DIP2C: variants seen among roughly 807,000 people sequenced by gnomAD.
DIP2C encodes the protein disco-interacting protein 2 homolog C.
In DIP2C, 33 loss-of-function variants were observed where a neutral mutation model predicts 192.4. That is an observed-to-expected ratio of 0.17 (90% CI 0.13 to 0.23). The LOEUF is 0.23. DIP2C is among the 10% of genes least tolerant of loss of function. The pLI is 1.00. For missense variants in DIP2C, 1,537 were observed against 2,110.1 expected (o/e 0.73, Z 5.32); for synonymous variants, 979 against 864.1 (o/e 1.13, Z -2.33).
At chr10:601,310 A>G (rs1403834769) in intron 1 of DIP2C, among the ~76,000 whole-genome samples, 1 of 152,112 alleles carries the variant, frequency 6.6e-6, no homozygotes, top group African/African-American at 2.4e-5. Flanking sequence ...TACAACACTC[A>G]AAATTTAAAA....
intron 3 of DIP2C, among the ~76,000 whole-genome samples, chr10:456,689 G>T (rs9419455): frequency 6.6e-6 from 1 of 152,124 alleles, no homozygotes; most frequent in African/African-American, 2.4e-5. Context: ...CACGGCCACC[G>T]TTTGTCTCCA....
At chr10:625,741 A>G (rs549620417) in intron 1 of DIP2C, among the ~76,000 whole-genome samples, 36 of 152,216 alleles carry the variant, frequency 2.4e-4, no homozygotes, top group Non-Finnish European at 5.1e-4. Flanking sequence ...AACTGCGTGA[A>G]CCTTTCTGAC....
intron 31 of DIP2C, among the ~76,000 whole-genome samples, chr10:310,536 C>A (rs1956523791): frequency 6.6e-6 from 1 of 152,142 alleles, no homozygotes; most frequent in Non-Finnish European, 1.5e-5. Context: ...ATGGACAGGC[C>A]AGGGAGGAAG....
chr10:474,268 T>A (rs1004864174), intron 2 of DIP2C, among the ~76,000 whole-genome samples: 1 of 152,210 alleles, frequency 6.6e-6, no homozygotes, highest in Non-Finnish European at 1.5e-5. Context: ...ACTGTGGTCA[T>A]CAACATCAGC....
rs115929030 is a variant in DIP2C, at chr10:371,285, C to T, written c.1992-1652G>A. Among the ~76,000 whole-genome samples the T allele has an allele frequency of 1.2e-3, 182 of 152,282 alleles. 2 individuals carry two copies. Among genetic ancestry groups the T allele is most frequent in the South Asian group, 5.2e-3 (25 of 4,818 alleles). ...CTTCAGCATCTGCTGTGGGTTGAAT[C>T]GTGTCCCCGCAAAAGATCACCCCTT... On this transcript the variant is annotated intron_variant, in intron 17 of 36. Coordinates refer to ENST00000280886, the MANE Select transcript of DIP2C (RefSeq NM_014974.3).
At chr10:462,190 T>C (rs986792779) in intron 3 of DIP2C, among the ~76,000 whole-genome samples, 1 of 151,556 alleles carries the variant, frequency 6.6e-6, no homozygotes, top group Non-Finnish European at 1.5e-5. Flanking sequence ...AGAGCAGAAA[T>C]GAAGGAGACA....
chr10:650,556 G>C (rs1190286336), intron 1 of DIP2C: 1 of 645,202 alleles, frequency 1.5e-6, no homozygotes, highest in Non-Finnish European at 2.8e-6. Flanking sequence ...CCTGAGAATG[G>C]GATGCAGAGC....
chr10:340,804 C>T (rs758295876), intron 29 of DIP2C: 18 of 458,928 alleles, frequency 3.9e-5, no homozygotes, highest in Admixed American at 1.6e-4. Context: ...GCCTAAGCCC[C>T]GCAGTAACAG....
chr10:607,584 C>T (rs761744284), intron 1 of DIP2C, among the ~76,000 whole-genome samples: 47 of 152,304 alleles, frequency 3.1e-4, no homozygotes, highest in Admixed American at 5.9e-4. Context: ...CTGAAAATAT[C>T]CTAAATAGAA....
chr10:393,684 C>T (rs1193640316), intron 10 of DIP2C, among the ~76,000 whole-genome samples: 1 of 143,884 alleles, frequency 7.0e-6, no homozygotes, highest in East Asian at 2.1e-4. Context: ...GAGGCTGAGG[C>T]AGGAGAATAG....
At chr10:531,490 T>C (rs1022469329) in intron 1 of DIP2C, among the ~76,000 whole-genome samples, 13 of 152,226 alleles carry the variant, frequency 8.5e-5, no homozygotes, top group African/African-American at 2.6e-4. Context: ...TTGCTACAAA[T>C]GCAAAGAATC....
chr10:281,672 C>T (rs373120960), intron 35 of DIP2C, among the ~76,000 whole-genome samples: 3 of 152,228 alleles, frequency 2.0e-5, no homozygotes, highest in Admixed American at 6.5e-5. Flanking sequence ...GTCTGAGTTC[C>T]GTGGACCCAT....
chr10:326,686 A>G (rs1223411346), intron 31 of DIP2C, among the ~76,000 whole-genome samples: 1 of 152,238 alleles, frequency 6.6e-6, no homozygotes, highest in Non-Finnish European at 1.5e-5. Context: ...ACTTCGAGGG[A>G]CTGGTTTCTT....
intron 1 of DIP2C, among the ~76,000 whole-genome samples, chr10:598,460 T>C (rs781114089): frequency 6.6e-6 from 1 of 152,244 alleles, no homozygotes; most frequent in East Asian, 1.9e-4. Flanking sequence ...ATCACATGCA[T>C]TTCCTGTGGG....
chr10:570,796 T>A (rs967782644), intron 1 of DIP2C, among the ~76,000 whole-genome samples: 1 of 152,248 alleles, frequency 6.6e-6, no homozygotes, highest in Non-Finnish European at 1.5e-5. Flanking sequence ...TAACAGCAAA[T>A]TCATTTCAGC....
chr10:353,723 G>A (rs1026132067), intron 24 of DIP2C, among the ~76,000 whole-genome samples: 2 of 152,146 alleles, frequency 1.3e-5, no homozygotes, highest in African/African-American at 4.8e-5. Context: ...CAGCAAGACC[G>A]GGCCAAATTC....
chr10:554,476 C>T (rs988950937), intron 1 of DIP2C, among the ~76,000 whole-genome samples: 1 of 152,210 alleles, frequency 6.6e-6, no homozygotes, highest in African/African-American at 2.4e-5. Flanking sequence ...ATATAAAATA[C>T]ATCACTGTCA....
At chr10:543,014 G>A (rs74363870) in intron 1 of DIP2C, among the ~76,000 whole-genome samples, 2 of 152,230 alleles carry the variant, frequency 1.3e-5, no homozygotes, top group Non-Finnish European at 2.9e-5. Flanking sequence ...CAAACATTGA[G>A]TGATGACGAT....
chr10:677,382 C>G (rs904014612), intron 1 of DIP2C, among the ~76,000 whole-genome samples: 4 of 152,180 alleles, frequency 2.6e-5, no homozygotes, highest in Non-Finnish European at 5.9e-5. Flanking sequence ...ACATTTACTC[C>G]AACTGCCCCC....
Sources: gnomAD v4.1 joint callset for allele counts (sites outside exome capture counted in the v4.1 genomes callset) on GRCh38, gnomAD v4.1.1 for gene constraint, MANE v1.5 for transcripts, NCBI Gene and HGNC (gene_info 2026-07-23, HGNC 2026-07-21) for gene names.